The following NAPA variants were observed in gnomAD, a reference collection of about 807,000 sequenced individuals.
The protein encoded by NAPA is alpha-soluble NSF attachment protein.
A neutral mutation model predicts 48.0 loss-of-function variants in NAPA; 18 were observed. The ratio of observed to expected loss-of-function variants is 0.38; its 90% CI spans 0.26 to 0.56. NAPA has a LOEUF of 0.56. Ranked by LOEUF, NAPA falls within the 20% of genes least tolerant of loss-of-function variation. The probability of loss-of-function intolerance (pLI) is 0.77; values close to 1 mark genes in which losing one functional copy is unlikely to be tolerated. For missense variants in NAPA, 315 were observed against 385.0 expected (o/e 0.82, Z 1.52); for synonymous variants, 152 against 149.9 (o/e 1.01, Z -0.10).
intron 1 of NAPA, among the ~76,000 whole-genome samples, chr19:47,504,267 C>T (rs756199622): frequency 5.3e-5 from 8 of 151,842 alleles, no homozygotes; most frequent in Admixed American, 2.6e-4. Flanking sequence ...TGATGGTGCA[C>T]GCCTGTAGTC....
chr19:47,489,089 G>A (rs1282082774), intron 10 of NAPA: 1 of 152,928 alleles, frequency 6.5e-6, no homozygotes, highest in Non-Finnish European at 1.5e-5. Flanking sequence ...TCTGGGGCAG[G>A]AGGAACAGGA....
chr19:47,497,982 G>A (rs1968474066), intron 3 of NAPA, among the ~76,000 whole-genome samples: 1 of 152,200 alleles, frequency 6.6e-6, no homozygotes, highest in Non-Finnish European at 1.5e-5. Context: ...TCTGCCCTGA[G>A]CAGCAGCCAT....
At chr19:47,486,832 T>A (rs988593824), downstream of NAPA, among the ~76,000 whole-genome samples, 4 of 152,152 alleles carry the variant, frequency 2.6e-5, no homozygotes, top group Non-Finnish European at 4.4e-5. Flanking sequence ...GTCAAGGAAT[T>A]TGAACCTCAC....
chr19:47,499,846 T>C lies in NAPA; in HGVS notation c.295+787A>G, dbSNP rs138460122. On this transcript the variant is annotated intron_variant, in intron 3 of 10. Coordinates refer to ENST00000263354, the MANE Select transcript of NAPA (RefSeq NM_003827.4). Reference sequence around the variant, plus strand: ...GACAGGCTTTTATTCCAAGATTATATAGCTGCTTTTTATTTTTTAAAGATT... The same window carrying C: ...GACAGGCTTTTATTCCAAGATTATACAGCTGCTTTTTATTTTTTAAAGATT... Among the ~76,000 whole-genome samples the C allele has an allele frequency of 3.4e-3, 519 of 152,356 alleles. 3 individuals are homozygous for C. Among genetic ancestry groups the C allele is most frequent in the African/African-American group, 0.012 (502 of 41,588 alleles).
chr19:47,501,026 G>GC (rs1474876085), intron 2 of NAPA, among the ~76,000 whole-genome samples: 4 of 152,156 alleles, frequency 2.6e-5, no homozygotes, highest in African/African-American at 9.7e-5. Context: ...AAGGCCCTGA[G>GC]CCCCAGGTAT....
intron 3 of NAPA, chr19:47,497,142 G>C: frequency 4.5e-6 from 1 of 220,278 alleles, no homozygotes; most frequent in Admixed American, 5.3e-5. Context: ...AGTGAGGTGA[G>C]AGGCCCGCCT....
intron 1 of NAPA, among the ~76,000 whole-genome samples, chr19:47,504,697 A>G (rs1017864171): frequency 6.6e-6 from 1 of 152,048 alleles, no homozygotes; most frequent in Non-Finnish European, 1.5e-5. Context: ...GTGTATGTGT[A>G]TATATGTGTG....
chr19:47,489,912 G>T, intron 9 of NAPA, 151 bp from the exon 10 acceptor site: 1 of 742,568 alleles, frequency 1.3e-6, no homozygotes, highest in Non-Finnish European at 2.3e-6. Flanking sequence ...GTTAAACTGG[G>T]GATGGGTACG....
At position 47,488,257 on chromosome 19, in the gene NAPA, G is replaced by C; in HGVS notation, c.*31C>G. Reference sequence around the variant, plus strand: ...CACCTCTCTCTGAGCAGATGGGACAGGAAGACGGGCACTGGGGGGCTGGGT... The same window carrying C: ...CACCTCTCTCTGAGCAGATGGGACACGAAGACGGGCACTGGGGGGCTGGGT... On this transcript the variant is annotated 3_prime_UTR_variant, in exon 11 of 11. Transcript: ENST00000263354. 1.3e-6 allele frequency: 2 copies of C among 1,581,414 alleles called. No homozygotes were observed. The highest frequency in any genetic ancestry group is 1.7e-6 in the Non-Finnish European group (2 of 1,153,888).
In NAPA at chr19:47,488,215, C is replaced by T. The variant is rs1416124499; in HGVS notation, c.*73G>A. 2.8e-6 allele frequency: 4 copies of T among 1,411,300 alleles called. No individual in the cohort carries two copies. Among genetic ancestry groups the T allele is most frequent in the Non-Finnish European group, 3.9e-6 (4 of 1,016,740 alleles). 87.4% of individuals were successfully genotyped at this position (1,411,300 alleles called of 1,614,324 possible). A position where few individuals can be genotyped will look rare whatever the true frequency, so the allele number is the denominator to read the frequency against. On this transcript the variant is annotated 3_prime_UTR_variant, in exon 11 of 11. Coordinates refer to ENST00000263354, the MANE Select transcript of NAPA (RefSeq NM_003827.4). The stretch of plus-strand genomic sequence containing the variant: ...CCAGATGGGAAAGGAGGGAAGCTCT[C>T]CAGCAAGTCTCGGCCCCACCTCTCT...
At chr19:47,511,235 T>C (rs568058312) in intron 1 of NAPA, among the ~76,000 whole-genome samples, 4 of 152,312 alleles carry the variant, frequency 2.6e-5, no homozygotes, top group Non-Finnish European at 4.4e-5. Context: ...TTATGAAATG[T>C]TGAACACAAG....
rs747313347 is a variant in NAPA, at chr19:47,500,712, G to A, written c.216C>T (p.His72=). The A allele has an allele frequency of 1.2e-6, 2 of 1,611,120 alleles. No homozygotes were observed. The highest frequency in any genetic ancestry group is 1.1e-5 in the South Asian group (1 of 90,554). The change falls in exon 3 of 11, where the codon CAC becomes CAT. Residue 72 remains histidine (H), a synonymous_variant. Coordinates refer to ENST00000263354, the MANE Select transcript of NAPA (RefSeq NM_003827.4). ...CGTCGTGCTTGCTCTGGAGCTGCAG[G>A]TGCAGCTGTGCAGCCTGGCAGAACG... ...GNAFCQAAQL[H]LQLQSKHDAA... is the part of the protein sequence containing the mutation.
At chr19:47,500,799 T>A (rs562454084) in intron 2 of NAPA, 50 bp from the exon 3 acceptor site, 1 of 1,415,660 alleles carries the variant, frequency 7.1e-7, no homozygotes, top group Non-Finnish European at 9.7e-7. Context: ...CTCCACACTT[T>A]ATGAAGCCAC....
intron 2 of NAPA, among the ~76,000 whole-genome samples, chr19:47,501,178 G>A (rs1182089118): frequency 6.6e-6 from 1 of 152,140 alleles, no homozygotes; most frequent in African/African-American, 2.4e-5. Context: ...AACAGAGTGA[G>A]GTGGCCTCCT....
In NAPA at chr19:47,488,162, A is replaced by G. The variant is rs1968126047; in HGVS notation, c.*126T>C. 20 of 845,978 alleles carry G rather than the reference A, an allele frequency of 2.4e-5. No individual in the cohort carries two copies. The highest frequency in any genetic ancestry group is 3.7e-5 in the Non-Finnish European group (20 of 540,002). The allele number at this position is 845,978 out of a possible 1,614,324, so 52.4% of individuals were successfully genotyped here. A position where few individuals can be genotyped will look rare whatever the true frequency, so the allele number is the denominator to read the frequency against. On this transcript the variant is annotated 3_prime_UTR_variant, in exon 11 of 11. Coordinates refer to ENST00000263354, the MANE Select transcript of NAPA (RefSeq NM_003827.4). ...CCCCTGCATGCTGACCCCCGGTGCC[A>G]CCTGCCCACTGTGGCCCGCGGCACT...
intron 7 of NAPA, chr19:47,492,608 C>T: frequency 2.3e-6 from 1 of 440,384 alleles, no homozygotes; most frequent in East Asian, 5.0e-5. Context: ...GACCATCGGG[C>T]CATGGGGTGG....
chr19:47,498,365 T>A (rs568295192), intron 3 of NAPA, among the ~76,000 whole-genome samples: 1 of 152,276 alleles, frequency 6.6e-6, no homozygotes, highest in Admixed American at 6.5e-5. Context: ...CAGGGGCCCC[T>A]GGACTGATGA....
chr19:47,490,816 G>A lies in NAPA; in HGVS notation c.707C>T (p.Ser236Phe). The A allele has an allele frequency of 6.2e-7, 1 of 1,613,836 alleles. No homozygotes were observed. The highest frequency in any genetic ancestry group is 1.1e-5 in the South Asian group (1 of 91,002). ...CATCAACTTGCATTCCCGGGAATCA[G>A]AGAAAGCTGGGAACAGCTCCTCATA... ...QKYEELFPAF[S>F]DSRECKLMKK... The change falls in exon 9 of 11, where the codon TCT becomes TTT. Residue 236 changes from serine (S) to phenylalanine (F), a missense_variant. Ser to Phe is a radical substitution (Grantham distance 155). Transcript: ENST00000263354.
At chr19:47,509,289 AAAAATAAAATAAAATAAAAT>A (rs542864086) in intron 1 of NAPA, among the ~76,000 whole-genome samples, 3,009 of 129,494 alleles carry the variant, frequency 0.023, 109 homozygotes, top group East Asian at 0.097. Context: ...TTGTGGTGGT[AAAAATAAAATAAAATAAAAT>A]AAAATAAAAT....
Sources: gnomAD v4.1 joint callset for allele counts (sites outside exome capture counted in the v4.1 genomes callset) on GRCh38, gnomAD v4.1.1 for gene constraint, MANE v1.5 for transcripts, NCBI Gene and HGNC (gene_info 2026-07-23, HGNC 2026-07-21) for gene names.